SEMA3E: variants seen among roughly 807,000 people sequenced by gnomAD.
SEMA3E encodes semaphorin 3E, also known as semaphorin-3E.
A neutral mutation model predicts 93.6 loss-of-function variants in SEMA3E; 49 were observed. The ratio of observed to expected loss-of-function variants is 0.52; its 90% CI spans 0.42 to 0.66. SEMA3E has a LOEUF of 0.66. SEMA3E is among the 30% of genes least tolerant of loss of function. SEMA3E has a pLI of 0.00. For synonymous variants in SEMA3E, 363 were observed against 330.7 expected (o/e 1.10, Z -1.06); for missense variants, 906 against 964.8 (o/e 0.94, Z 0.81).
rs1794625134 is a variant in SEMA3E at position 83,363,919 on chromosome 7, G to A, written c.*3667C>T. On this transcript the variant is annotated 3_prime_UTR_variant, in exon 17 of 17. Transcript: ENST00000643230. ...TTTTTTTTTTTTGAGACGGAGTCTC[G>A]CTCTGTCGCCCAGGCCGGACTGCGG... is the stretch of plus-strand genomic sequence containing the variant. The A allele has an allele frequency of 1.8e-5, 2 of 111,202 alleles. No homozygotes were observed. The highest frequency in any genetic ancestry group is 3.3e-4 in the South Asian group (1 of 3,072). The allele number at this position is 111,202 out of a possible 1,614,324, so 6.9% of individuals were successfully genotyped here.
rs146287708 is a variant in SEMA3E at position 83,493,486 on chromosome 7, A to G, written c.116-3212T>C. Among the ~76,000 whole-genome samples the G allele has an allele frequency of 2.0e-3, 311 of 152,066 alleles. 10 individuals are homozygous for G. In the East Asian group the frequency reaches 0.034, roughly 17 times the overall value. On this transcript the variant is annotated intron_variant, in intron 1 of 16. Transcript: ENST00000643230. The stretch of plus-strand genomic sequence containing the variant: ...TATCATTACATACCATAGGTAATAA[A>G]TTGAGAAATATCATTTTATTTATGA...
intron 1 of SEMA3E, among the ~76,000 whole-genome samples, chr7:83,542,349 A>C (rs1349197331): frequency 1.3e-5 from 2 of 152,070 alleles, no homozygotes; most frequent in Non-Finnish European, 2.9e-5. Context: ...CAAAATAATA[A>C]TAATAAGGTC....
intron 2 of SEMA3E, among the ~76,000 whole-genome samples, chr7:83,471,641 AT>A (rs1267031547): frequency 6.6e-6 from 1 of 152,086 alleles, no homozygotes; most frequent in Non-Finnish European, 1.5e-5. Context: ...TATACTGAGG[AT>A]TTTTTTGTTT....
intron 2 of SEMA3E, among the ~76,000 whole-genome samples, chr7:83,479,334 A>G (rs917850515): frequency 6.6e-6 from 1 of 152,100 alleles, no homozygotes; most frequent in Non-Finnish European, 1.5e-5. Context: ...TTGAACCTTT[A>G]TTGTCTATTC....
At chr7:83,640,628 T>G (rs1793988265) in intron 1 of SEMA3E, among the ~76,000 whole-genome samples, 1 of 152,204 alleles carries the variant, frequency 6.6e-6, no homozygotes, top group African/African-American at 2.4e-5. Context: ...TCTAAAAAAT[T>G]CAAAGGTTAT....
At chr7:83,415,543 T>C (rs548072509) in intron 5 of SEMA3E, among the ~76,000 whole-genome samples, 1 of 152,142 alleles carries the variant, frequency 6.6e-6, no homozygotes, top group African/African-American at 2.4e-5. Flanking sequence ...CTAAGTTAGA[T>C]TATAAATGAA....
At chr7:83,431,606 G>A (rs190221510) in intron 4 of SEMA3E, among the ~76,000 whole-genome samples, 3 of 152,136 alleles carry the variant, frequency 2.0e-5, no homozygotes, top group Admixed American at 6.5e-5. Context: ...ATTTTGCCAT[G>A]TTGGCCTGGC....
At chr7:83,551,209 C>CA (rs200129438) in intron 1 of SEMA3E, among the ~76,000 whole-genome samples, 2,761 of 151,306 alleles carry the variant, frequency 0.018, 78 homozygotes, top group African/African-American at 0.06. Context: ...TTTCTAATAC[C>CA]AAAAAAAATA....
At chr7:83,411,456 T>G (rs58557564) in intron 5 of SEMA3E, among the ~76,000 whole-genome samples, 4 of 152,106 alleles carry the variant, frequency 2.6e-5, no homozygotes, top group African/African-American at 2.4e-5. Context: ...TCCTTTCATA[T>G]CTTCATATCA....
intron 1 of SEMA3E, among the ~76,000 whole-genome samples, chr7:83,520,307 G>T (rs1459059486): frequency 1.3e-5 from 2 of 152,118 alleles, no homozygotes; most frequent in Admixed American, 6.6e-5. Context: ...CTAGACAGCT[G>T]CTCTGGTCTT....
chr7:83,405,715 T>A (rs1253554559), intron 8 of SEMA3E, among the ~76,000 whole-genome samples, 196 bp from the exon 9 acceptor site: 1 of 152,094 alleles, frequency 6.6e-6, no homozygotes. Context: ...AGCTGAACAA[T>A]AGGAAGGAAC....
At chr7:83,549,106 C>A (rs552343991) in intron 1 of SEMA3E, among the ~76,000 whole-genome samples, 125 of 152,172 alleles carry the variant, frequency 8.2e-4, no homozygotes, top group Non-Finnish European at 1.5e-3. Context: ...CATCTCCAAC[C>A]AAATAGAAAC....
At chr7:83,540,225 C>A (rs1209292260) in intron 1 of SEMA3E, among the ~76,000 whole-genome samples, 2 of 152,124 alleles carry the variant, frequency 1.3e-5, no homozygotes, top group Non-Finnish European at 2.9e-5. Context: ...ATACAATTAG[C>A]TAGTCTACTA....
intron 4 of SEMA3E, among the ~76,000 whole-genome samples, chr7:83,450,400 T>A: frequency 1.0e-5 from 1 of 95,744 alleles, no homozygotes; most frequent in East Asian, 1.3e-3. Flanking sequence ...AATTGTGTTA[T>A]ATCCATGTAA....
At chr7:83,437,605 CA>C (rs1789031006) in intron 4 of SEMA3E, among the ~76,000 whole-genome samples, 1 of 152,022 alleles carries the variant, frequency 6.6e-6, no homozygotes. Context: ...GAAGGAAACT[CA>C]AATGACTCTT....
At chr7:83,451,494 A>G (rs1357493733) in intron 4 of SEMA3E, among the ~76,000 whole-genome samples, 1 of 152,186 alleles carries the variant, frequency 6.6e-6, no homozygotes, top group Non-Finnish European at 1.5e-5. Context: ...CATTCATTCC[A>G]TAGTTATTTA....
intron 1 of SEMA3E, among the ~76,000 whole-genome samples, chr7:83,502,036 A>G (rs945699663): frequency 2.1e-4 from 32 of 152,286 alleles, no homozygotes; most frequent in Middle Eastern, 6.8e-3. Flanking sequence ...GCAAATTAAC[A>G]ATATGGTCTT....
Position 83,422,260 on chromosome 7 carries a change from T to C in SEMA3E, c.457-3777A>G, listed in dbSNP as rs184375281. Among the ~76,000 whole-genome samples the C allele has an allele frequency of 5.0e-3, 766 of 152,258 alleles. 10 individuals are homozygous for C. Among genetic ancestry groups the C allele is most frequent in the Admixed American group, 0.029 (447 of 15,290 alleles). On this transcript the variant is annotated intron_variant, in intron 4 of 16. Coordinates refer to ENST00000643230, the MANE Select transcript of SEMA3E (RefSeq NM_012431.3). ...TCCTGACCCAAAGGTGTGGCTAAAC[T>C]TATATTCTAAGCCAAAAAAGTTTTA... is the stretch of plus-strand genomic sequence containing the variant.
chr7:83,587,562 T>C (rs1320464988), intron 1 of SEMA3E, among the ~76,000 whole-genome samples: 1 of 152,092 alleles, frequency 6.6e-6, no homozygotes, highest in Non-Finnish European at 1.5e-5. Flanking sequence ...ATAACTTGCA[T>C]TAGACAAGGC....
Sources: allele counts gnomAD v4.1 joint callset (sites outside exome capture counted in the v4.1 genomes callset), GRCh38; gene constraint gnomAD v4.1.1; transcripts MANE v1.5; gene names NCBI Gene and HGNC (gene_info 2026-07-23, HGNC 2026-07-21).